Variants in MTUS1 observed in about 807,000 individuals in gnomAD.
MTUS1 encodes microtubule associated scaffold protein 1, also known as microtubule-associated tumor suppressor 1.
Under a neutral mutation model 120.8 loss-of-function variants are expected in MTUS1, and 109 were observed. The observed-to-expected ratio is 0.90, with a 90% CI of 0.77 to 1.06. MTUS1 has a LOEUF of 1.06. Ranked by LOEUF, MTUS1 falls within the 50% of genes least tolerant of loss-of-function variation. The pLI is 0.00. For missense variants in MTUS1, 2,210 were observed against 1,486.3 expected, an observed-to-expected ratio of 1.49 and a Z score of -8.01; for synonymous variants, 737 against 550.5, an observed-to-expected ratio of 1.34 and a Z score of -4.74.
intron 3 of MTUS1, among the ~76,000 whole-genome samples, chr8:17,740,144 G>A (rs757118335): frequency 1.3e-5 from 2 of 151,870 alleles, no homozygotes. Flanking sequence ...GGAGGCGGAG[G>A]TTGCAGTGAT....
At position 17,777,309 on chromosome 8, in the gene MTUS1, G is replaced by A. The variant is rs191810090; in HGVS notation, c.-154-21348C>T. Among the ~76,000 whole-genome samples, 476 of 152,038 alleles carry A rather than the reference G, an allele frequency of 3.1e-3. 3 individuals carry two copies. The highest frequency in any genetic ancestry group is 9.2e-3 in the Admixed American group (141 of 15,256). On this transcript the variant is annotated intron_variant, in intron 1 of 14. Coordinates refer to ENST00000693296, the MANE Select transcript of MTUS1 (RefSeq NM_001363059.2). ...AAAAAAATTAGCCAGACATGGTGGC[G>A]CACACCGGTAATCCCAGCTACTTGG...
intron 2 of MTUS1, among the ~76,000 whole-genome samples, chr8:17,746,393 T>TGAGACTGGGTA (rs2047746539): frequency 1.3e-5 from 2 of 152,140 alleles, no homozygotes; most frequent in Admixed American, 1.3e-4. Flanking sequence ...AAGTCACACC[T>TGAGACTGGGTA]GAGACTGGGT....
intron 3 of MTUS1, among the ~76,000 whole-genome samples, chr8:17,725,770 A>AT (rs1186156399): frequency 2.0e-5 from 3 of 152,100 alleles, no homozygotes; most frequent in Non-Finnish European, 2.9e-5. Flanking sequence ...ACATTATGAG[A>AT]TTTTTTTGCA....
At chr8:17,662,813 A>T (rs1810047863) in intron 8 of MTUS1, among the ~76,000 whole-genome samples, 1 of 150,254 alleles carries the variant, frequency 6.7e-6, no homozygotes, top group Admixed American at 6.7e-5. Flanking sequence ...TTAAAAGAGG[A>T]AATACAGTTC....
At chr8:17,690,903 C>A (rs941236586) in intron 6 of MTUS1, among the ~76,000 whole-genome samples, 2 of 152,098 alleles carry the variant, frequency 1.3e-5, no homozygotes, top group Non-Finnish European at 2.9e-5. Context: ...TAAAATCACA[C>A]CTGTTGTGTT....
intron 6 of MTUS1, among the ~76,000 whole-genome samples, chr8:17,708,097 A>G (rs1820522681): frequency 6.6e-6 from 1 of 152,260 alleles, no homozygotes; most frequent in South Asian, 2.1e-4. Flanking sequence ...AAAAGAAAAA[A>G]AGTTGATAAA....
intron 1 of MTUS1, among the ~76,000 whole-genome samples, chr8:17,785,689 T>G (rs540327464): frequency 6.6e-6 from 1 of 152,340 alleles, no homozygotes; most frequent in East Asian, 1.9e-4. Context: ...GTCAACATTC[T>G]GTCACCAGGT....
intron 6 of MTUS1, among the ~76,000 whole-genome samples, chr8:17,691,704 G>T (rs1585726537): frequency 2.0e-5 from 3 of 150,572 alleles, no homozygotes; most frequent in East Asian, 2.0e-4. Flanking sequence ...TAATATATGT[G>T]TTTTTTTTTA....
chr8:17,782,321 T>C (rs2050933841), intron 1 of MTUS1, among the ~76,000 whole-genome samples: 1 of 152,350 alleles, frequency 6.6e-6, no homozygotes, highest in East Asian at 1.9e-4. Flanking sequence ...AATATTCCCT[T>C]GTGCTATTTA....
chr8:17,664,952 T>C (rs139564129), intron 8 of MTUS1, among the ~76,000 whole-genome samples: 390 of 152,270 alleles, frequency 2.6e-3, no homozygotes, highest in African/African-American at 8.8e-3. Flanking sequence ...ATCCCACAAA[T>C]AGGCATGTCC....
At chr8:17,697,520 G>C (rs437548) in intron 6 of MTUS1, 309,015 of 1,394,588 alleles carry the variant, frequency 0.22, 36,268 homozygotes, top group East Asian at 0.43. Flanking sequence ...CATTCCACCA[G>C]AGAGGCATAG....
chr8:17,753,177 G>A (rs996876853), intron 2 of MTUS1, among the ~76,000 whole-genome samples: 38 of 152,190 alleles, frequency 2.5e-4, no homozygotes, highest in African/African-American at 8.4e-4. Context: ...TTTGGGTCTC[G>A]AAAAATTACT....
intron 7 of MTUS1, among the ~76,000 whole-genome samples, chr8:17,676,923 C>T (rs1342112969): frequency 6.6e-6 from 1 of 151,934 alleles, no homozygotes; most frequent in African/African-American, 2.4e-5. Context: ...AGTTGGAGAT[C>T]CCATATATTT....
intron 4 of MTUS1, among the ~76,000 whole-genome samples, chr8:17,718,475 T>C (rs1160868059): frequency 6.6e-6 from 1 of 152,074 alleles, no homozygotes; most frequent in Admixed American, 6.6e-5. Flanking sequence ...CATTCGCCCA[T>C]ATCGGGTATG....
Position 17,755,904 on chromosome 8 carries a change from GCA to G in MTUS1, c.-99_-98del. The G allele has an allele frequency of 6.7e-7, 1 of 1,490,252 alleles. No individual in the cohort carries two copies. Among genetic ancestry groups the G allele is most frequent in the East Asian group, 2.3e-5 (1 of 43,770 alleles). The allele number at this position is 1,490,252 out of a possible 1,614,324, so 92.3% of individuals were successfully genotyped here. On this transcript the variant is annotated 5_prime_UTR_variant, in exon 2 of 15. Coordinates refer to ENST00000693296, the MANE Select transcript of MTUS1 (RefSeq NM_001363059.2). ...AATGGTCTGTCTTCTAGGTTTTTCA[GCA>G]CAGTTGAAAGGTTTTCAGTCTAAGA...
intron 2 of MTUS1, among the ~76,000 whole-genome samples, chr8:17,745,450 C>A (rs1216530947): frequency 2.0e-5 from 3 of 152,190 alleles, no homozygotes; most frequent in African/African-American, 7.2e-5. Flanking sequence ...TGAAACACTG[C>A]AGATTTTTTT....
chr8:17,676,774 T>C (rs997950325), intron 7 of MTUS1, among the ~76,000 whole-genome samples: 5 of 152,138 alleles, frequency 3.3e-5, no homozygotes, highest in Admixed American at 3.3e-4. Flanking sequence ...AAAGGGAAAC[T>C]TGTTCTTCGA....
intron 2 of MTUS1, among the ~76,000 whole-genome samples, chr8:17,751,624 C>T (rs569504121): frequency 6.6e-6 from 1 of 152,104 alleles, no homozygotes; most frequent in East Asian, 1.9e-4. Context: ...CTTTGGGAGG[C>T]CGAGGCAGGT....
intron 6 of MTUS1, among the ~76,000 whole-genome samples, chr8:17,700,467 CA>C (rs565414052): frequency 4.5e-4 from 33 of 73,468 alleles, no homozygotes; most frequent in Non-Finnish European, 4.2e-4. Context: ...CAAAACTCCT[CA>C]AAAAAAAAAA....
Sources: allele counts gnomAD v4.1 joint callset (sites outside exome capture counted in the v4.1 genomes callset), GRCh38; gene constraint gnomAD v4.1.1; transcripts MANE v1.5; gene names NCBI Gene and HGNC (gene_info 2026-07-23, HGNC 2026-07-21).